Variants in FOXN3 observed in about 807,000 individuals in gnomAD.
FOXN3 encodes the protein forkhead box protein N3.
Under a neutral mutation model 38.4 loss-of-function variants are expected in FOXN3, and 7 were observed. The ratio of observed to expected loss-of-function variants is 0.18; its 90% CI spans 0.10 to 0.34. FOXN3 has a LOEUF of 0.34. Ranked by LOEUF, FOXN3 falls within the 10% of genes least tolerant of loss-of-function variation. The pLI is 1.00. For missense variants in FOXN3, 456 were observed against 613.4 expected (o/e 0.74, Z 2.71); for synonymous variants, 230 against 242.2 (o/e 0.95, Z 0.47).
intron 1 of FOXN3, among the ~76,000 whole-genome samples, chr14:89,518,991 G>C (rs1341976061): frequency 6.6e-6 from 1 of 152,154 alleles, no homozygotes; most frequent in Non-Finnish European, 1.5e-5. Context: ...CTCTAGCCTG[G>C]GCAACAGTGC....
At position 89,505,818 on chromosome 14, in the gene FOXN3, C is replaced by T. The variant is rs565514268; in HGVS notation, c.-14-93328G>A. ...CGCCTCTTCCCGGCCACCATCCCATCTAGGAAGTGAGGAGCGTCTCTGCCC... is the reference window on the plus strand; with the variant it reads ...CGCCTCTTCCCGGCCACCATCCCATTTAGGAAGTGAGGAGCGTCTCTGCCC... On this transcript the variant is annotated intron_variant, in intron 1 of 6. Transcript: ENST00000345097. Among the ~76,000 whole-genome samples the T allele has an allele frequency of 4.5e-3, 683 of 151,678 alleles. 2 individuals carry two copies. The highest frequency in any genetic ancestry group is 8.0e-3 in the Non-Finnish European group (544 of 67,838).
intron 1 of FOXN3, among the ~76,000 whole-genome samples, chr14:89,544,207 A>G (rs890597290): frequency 3.3e-5 from 5 of 151,766 alleles, no homozygotes; most frequent in Admixed American, 6.6e-5. Context: ...ACGCCCAGCT[A>G]ATTTTTTGTA....
chr14:89,399,158 C>T (rs76082890), intron 2 of FOXN3, among the ~76,000 whole-genome samples: 21,979 of 152,210 alleles, frequency 0.14, 1,696 homozygotes, highest in Non-Finnish European at 0.18. Flanking sequence ...CAGGGCTGAA[C>T]GCTTGGCCCA....
At chr14:89,558,942 T>C (rs1304414358) in intron 1 of FOXN3, among the ~76,000 whole-genome samples, 3 of 152,196 alleles carry the variant, frequency 2.0e-5, no homozygotes, top group Non-Finnish European at 2.9e-5. Context: ...ATATGAAACT[T>C]CTTCTGATTT....
intron 4 of FOXN3, among the ~76,000 whole-genome samples, chr14:89,212,305 A>G (rs764084024): frequency 6.6e-5 from 10 of 152,206 alleles, no homozygotes; most frequent in Non-Finnish European, 1.3e-4. Context: ...TGCTCCTTCA[A>G]ACTGCGGAGG....
chr14:89,544,353 A>G (rs1025541940), intron 1 of FOXN3, among the ~76,000 whole-genome samples: 1 of 151,562 alleles, frequency 6.6e-6, no homozygotes, highest in Non-Finnish European at 1.5e-5. Flanking sequence ...TTTTTTTTTA[A>G]GACAGGGTCT....
At chr14:89,234,000 C>T (rs148551104) in intron 4 of FOXN3, among the ~76,000 whole-genome samples, 1 of 152,264 alleles carries the variant, frequency 6.6e-6, no homozygotes, top group Non-Finnish European at 1.5e-5. Context: ...CTCTGTCCCT[C>T]GTGTAGATCC....
chr14:89,296,577 T>C (rs1312038774), intron 3 of FOXN3, among the ~76,000 whole-genome samples: 1 of 152,196 alleles, frequency 6.6e-6, no homozygotes, highest in Non-Finnish European at 1.5e-5. Flanking sequence ...TGGTTCTAGC[T>C]TCATCTCTGA....
intron 3 of FOXN3, among the ~76,000 whole-genome samples, chr14:89,335,440 C>T (rs1888420971): frequency 6.6e-6 from 1 of 152,314 alleles, no homozygotes; most frequent in Admixed American, 6.5e-5. Context: ...TTGGCACAGC[C>T]AAAATGACCA....
intron 5 of FOXN3, among the ~76,000 whole-genome samples, chr14:89,167,406 T>C (rs1048214961): frequency 1.3e-5 from 2 of 152,378 alleles, no homozygotes; most frequent in Middle Eastern, 3.4e-3. Flanking sequence ...CTGGAACTAA[T>C]GGCTCTAATT....
chr14:89,610,911 A>G (rs566195052), intron 1 of FOXN3, among the ~76,000 whole-genome samples: 1 of 152,350 alleles, frequency 6.6e-6, no homozygotes, highest in African/African-American at 2.4e-5. Flanking sequence ...AATATGTGAA[A>G]TCAGACCTGT....
intron 3 of FOXN3, among the ~76,000 whole-genome samples, chr14:89,312,238 T>C (rs973360495): frequency 1.5e-5 from 2 of 133,686 alleles, no homozygotes; most frequent in Admixed American, 8.4e-5. Context: ...TGAGCCGAGA[T>C]TGCACTACTG....
chr14:89,584,726 C>CTT (rs1027254041), intron 1 of FOXN3, among the ~76,000 whole-genome samples: 144 of 149,948 alleles, frequency 9.6e-4, no homozygotes, highest in African/African-American at 3.4e-3. Flanking sequence ...TTTCTTTTTT[C>CTT]TTTTTTGACA....
intron 3 of FOXN3, among the ~76,000 whole-genome samples, chr14:89,322,127 G>A (rs530923950): frequency 6.6e-6 from 1 of 152,354 alleles, no homozygotes; most frequent in South Asian, 2.1e-4. Context: ...GCTCACTGCT[G>A]GGAGGGGCAG....
chr14:89,310,679 C>T (rs756359406), intron 3 of FOXN3, among the ~76,000 whole-genome samples: 2 of 152,164 alleles, frequency 1.3e-5, no homozygotes, highest in Non-Finnish European at 2.9e-5. Flanking sequence ...TACCTGCTAG[C>T]ATTTGGGCAC....
chr14:89,533,335 C>A (rs1203825019), intron 1 of FOXN3, among the ~76,000 whole-genome samples: 3 of 152,078 alleles, frequency 2.0e-5, no homozygotes, highest in Non-Finnish European at 4.4e-5. Flanking sequence ...AATCCAGGGG[C>A]CAGCATCATC....
intron 1 of FOXN3, among the ~76,000 whole-genome samples, chr14:89,501,637 G>A (rs1283655475): frequency 6.6e-6 from 1 of 152,190 alleles, no homozygotes; most frequent in African/African-American, 2.4e-5. Flanking sequence ...AGCCATCACT[G>A]GCAGAAGCTG....
At chr14:89,397,754 T>C (rs1311105301) in intron 2 of FOXN3, among the ~76,000 whole-genome samples, 1 of 152,208 alleles carries the variant, frequency 6.6e-6, no homozygotes, top group Non-Finnish European at 1.5e-5. Context: ...TGTGTCAATT[T>C]AGCAAGCCAC....
At chr14:89,262,007 G>A (rs1885822541) in intron 4 of FOXN3, among the ~76,000 whole-genome samples, 1 of 152,184 alleles carries the variant, frequency 6.6e-6, no homozygotes, top group African/African-American at 2.4e-5. Flanking sequence ...GGAAGGCTGA[G>A]GCAAGAGAAT....
Sources: allele counts gnomAD v4.1 joint callset (sites outside exome capture counted in the v4.1 genomes callset), GRCh38; gene constraint gnomAD v4.1.1; transcripts MANE v1.5; gene names NCBI Gene and HGNC (gene_info 2026-07-23, HGNC 2026-07-21).